FER1L6: variants seen among roughly 807,000 people sequenced by gnomAD.
The protein encoded by FER1L6 is fer-1 like family member 6.
Under a neutral mutation model 219.2 loss-of-function variants are expected in FER1L6, and 177 were observed. The observed-to-expected ratio is 0.81, with a 90% CI of 0.71 to 0.91. The LOEUF is 0.91. Among genes scored for constraint, FER1L6 ranks in the 40% least tolerant of loss-of-function variants. The pLI is 0.00. For synonymous variants in FER1L6, 768 were observed against 824.3 expected, an observed-to-expected ratio of 0.93 and a Z score of 1.17; for missense variants, 2,153 against 2,259.9, an observed-to-expected ratio of 0.95 and a Z score of 0.96.
chr8:124,057,296 G>T (rs577953293), intron 22 of FER1L6, among the ~76,000 whole-genome samples: 2 of 152,196 alleles, frequency 1.3e-5, no homozygotes, highest in South Asian at 4.2e-4. Context: ...CATTGTTTGG[G>T]CTGTGCTTTC....
chr8:123,932,279 T>C (rs1813801415), intron 1 of FER1L6, among the ~76,000 whole-genome samples: 1 of 152,052 alleles, frequency 6.6e-6, no homozygotes, highest in Non-Finnish European at 1.5e-5. Context: ...CAGCTAATTT[T>C]TGTGTTTTTA....
intron 15 of FER1L6, chr8:124,014,138 G>T (rs1183663359): frequency 1.3e-5 from 2 of 152,364 alleles, no homozygotes; most frequent in Non-Finnish European, 2.9e-5. Context: ...ATCACAGAGT[G>T]ATTACTCAAT....
At chr8:123,884,020 C>G (rs942693762) in intron 1 of FER1L6, among the ~76,000 whole-genome samples, 1 of 152,172 alleles carries the variant, frequency 6.6e-6, no homozygotes, top group Non-Finnish European at 1.5e-5. Context: ...TAAGTGAGCT[C>G]CTATGACATA....
intron 1 of FER1L6, among the ~76,000 whole-genome samples, chr8:123,897,201 C>T (rs1438788647): frequency 6.6e-6 from 1 of 152,200 alleles, no homozygotes; most frequent in Non-Finnish European, 1.5e-5. Flanking sequence ...TAAACTCCTA[C>T]TCAGTCCCTT....
intron 13 of FER1L6, among the ~76,000 whole-genome samples, chr8:124,006,535 C>A (rs1163036496): frequency 6.6e-6 from 1 of 152,200 alleles, no homozygotes; most frequent in Non-Finnish European, 1.5e-5. Flanking sequence ...TATATATGAA[C>A]ACACACAATT....
chr8:123,861,438 T>A (rs1816743119), intron 1 of FER1L6, among the ~76,000 whole-genome samples: 1 of 148,546 alleles, frequency 6.7e-6, no homozygotes, highest in South Asian at 2.1e-4. Context: ...TTTGTTCTTT[T>A]GGCTTAGGAT....
intron 39 of FER1L6, among the ~76,000 whole-genome samples, chr8:124,116,949 T>C (rs983042385): frequency 9.8e-5 from 15 of 152,312 alleles, no homozygotes; most frequent in African/African-American, 3.4e-4. Flanking sequence ...AGAAAACATC[T>C]GGCCATTTGA....
intron 1 of FER1L6, among the ~76,000 whole-genome samples, chr8:123,874,911 C>A (rs1464786944): frequency 2.0e-5 from 3 of 152,134 alleles, no homozygotes; most frequent in Non-Finnish European, 4.4e-5. Context: ...AAAAGCAAAT[C>A]TCAGGCCTAG....
At chr8:124,034,932 AACTT>A (rs1236185800) in intron 18 of FER1L6, among the ~76,000 whole-genome samples, 1 of 152,186 alleles carries the variant, frequency 6.6e-6, no homozygotes, top group Non-Finnish European at 1.5e-5. Flanking sequence ...CATCACAGGC[AACTT>A]ACTTTATCTC....
chr8:123,890,246 A>G (rs986718517), intron 1 of FER1L6, among the ~76,000 whole-genome samples: 12 of 152,184 alleles, frequency 7.9e-5, no homozygotes, highest in Middle Eastern at 3.4e-3. Context: ...CAAAATGTAT[A>G]GTGGTATTGG....
At chr8:123,995,542 A>G (rs529065447) in intron 12 of FER1L6, among the ~76,000 whole-genome samples, 2 of 151,650 alleles carry the variant, frequency 1.3e-5, no homozygotes, top group Admixed American at 1.3e-4. Context: ...CTCTGATTTT[A>G]TTTATTTGGG....
At chr8:124,081,106 G>T (rs554421248) in intron 32 of FER1L6, among the ~76,000 whole-genome samples, 1 of 152,270 alleles carries the variant, frequency 6.6e-6, no homozygotes, top group South Asian at 2.1e-4. Flanking sequence ...AGCCCAGACA[G>T]CCCTGTGGAC....
chr8:123,905,631 T>G (rs1812938509), intron 1 of FER1L6, among the ~76,000 whole-genome samples: 1 of 152,202 alleles, frequency 6.6e-6, no homozygotes, highest in African/African-American at 2.4e-5. Context: ...TGCTACCAAG[T>G]GTGTAGTCTT....
At chr8:124,057,547 T>C (rs1417452118) in intron 22 of FER1L6, among the ~76,000 whole-genome samples, 1 of 152,202 alleles carries the variant, frequency 6.6e-6, no homozygotes, top group Non-Finnish European at 1.5e-5. Flanking sequence ...ATTCAAAGAT[T>C]GCTTCTGTCC....
intron 3 of FER1L6, among the ~76,000 whole-genome samples, chr8:123,965,644 G>C (rs987289231): frequency 3.9e-5 from 6 of 152,144 alleles, no homozygotes; most frequent in Admixed American, 3.9e-4. Context: ...TTTAGACCCA[G>C]CTCTGCCACT....
chr8:123,852,273 A>G lies in FER1L6; in HGVS notation c.-8+88A>G, dbSNP rs1321107818. On this transcript the variant is annotated intron_variant, in intron 1 of 40. Transcript: ENST00000522917. The surrounding 1 kb of genome is among the most constrained non-coding windows in gnomAD (Gnocchi z 4.9). ...AGAGCAAATGTGTATTCCAGTAAGGACAAAATGCTTCCCCTCCCTTCCACA... is the reference window on the plus strand; with the variant it reads ...AGAGCAAATGTGTATTCCAGTAAGGGCAAAATGCTTCCCCTCCCTTCCACA... 5 of 152,268 alleles carry G rather than the reference A, an allele frequency of 3.3e-5. No homozygotes were observed. The highest frequency in any genetic ancestry group is 7.3e-5 in the Non-Finnish European group (5 of 68,106). 9.4% of individuals were successfully genotyped at this position (152,268 alleles called of 1,614,324 possible). A position where few individuals can be genotyped will look rare whatever the true frequency, so the allele number is the denominator to read the frequency against.
chr8:123,877,354 C>T (rs994636154), intron 1 of FER1L6, among the ~76,000 whole-genome samples: 7 of 152,266 alleles, frequency 4.6e-5, no homozygotes, highest in East Asian at 1.9e-4. Flanking sequence ...CTTCCAAAAT[C>T]GCAAAATAAT....
At chr8:124,054,061 C>T (rs189367080) in intron 22 of FER1L6, among the ~76,000 whole-genome samples, 16 of 152,270 alleles carry the variant, frequency 1.1e-4, no homozygotes, top group Non-Finnish European at 1.8e-4. Context: ...ACAGCCAGGC[C>T]CGCCCTGCAG....
chr8:124,066,622 C>G, intron 27 of FER1L6, 72 bp downstream of exon 27: 2 of 1,528,126 alleles, frequency 1.3e-6, no homozygotes, highest in Admixed American at 3.8e-5. Context: ...TACCCTAAGT[C>G]CTACATAACC....
Sources: allele counts gnomAD v4.1 joint callset (sites outside exome capture counted in the v4.1 genomes callset), GRCh38; gene constraint gnomAD v4.1.1; non-coding constraint Gnocchi (gnomAD v3.1); transcripts MANE v1.5; gene names NCBI Gene and HGNC (gene_info 2026-07-23, HGNC 2026-07-21).